Variants in CCDC3 observed in about 807,000 individuals in gnomAD.
CCDC3 encodes the protein coiled-coil domain containing 3.
A neutral mutation model predicts 21.4 loss-of-function variants in CCDC3; 24 were observed. The observed-to-expected ratio is 1.12, with a 90% CI of 0.81 to 1.58. CCDC3 has a LOEUF of 1.58. Ranked by LOEUF, CCDC3 falls within the 40% of genes most tolerant of loss-of-function variation. CCDC3 has a pLI of 0.00. For synonymous variants in CCDC3, 186 were observed against 166.0 expected (o/e 1.12, Z -0.93); for missense variants, 425 against 360.9 (o/e 1.18, Z -1.44).
chr10:12,912,875 C>T (rs1490949430), intron 2 of CCDC3, among the ~76,000 whole-genome samples: 1 of 152,200 alleles, frequency 6.6e-6, no homozygotes, highest in African/African-American at 2.4e-5. Context: ...TGTCCTCTCC[C>T]CGTTGCATGT....
chr10:13,037,273 T>C (rs924508021), intron 5 of CCDC3, among the ~76,000 whole-genome samples: 2 of 152,208 alleles, frequency 1.3e-5, no homozygotes, highest in Non-Finnish European at 2.9e-5. Flanking sequence ...CAAAATGTTT[T>C]AAAACAAATC....
intron 2 of CCDC3, among the ~76,000 whole-genome samples, chr10:12,923,729 G>A (rs1037529697): frequency 3.9e-5 from 6 of 152,132 alleles, no homozygotes; most frequent in Non-Finnish European, 7.4e-5. Context: ...GTTTGACTCC[G>A]GTCTGTGTCC....
intron 4 of CCDC3, among the ~76,000 whole-genome samples, chr10:13,052,860 T>C (rs1836625840): frequency 6.6e-6 from 1 of 151,652 alleles, no homozygotes; most frequent in Non-Finnish European, 1.5e-5. Flanking sequence ...AAGAATCACT[T>C]GAACCCAGGA....
intron 3 of CCDC3, among the ~76,000 whole-genome samples, chr10:13,084,733 C>T (rs1302677570): frequency 2.6e-5 from 4 of 152,064 alleles, no homozygotes; most frequent in African/African-American, 9.7e-5. Context: ...TTTTGAGATG[C>T]CCAGAAAGTT....
Position 12,998,478 on chromosome 10 carries a change from C to T in CCDC3, c.409G>A (p.Val137Ile). 5 of 1,614,122 alleles carry T rather than the reference C, an allele frequency of 3.1e-6. No individual in the cohort carries two copies. Among genetic ancestry groups the T allele is most frequent in the Non-Finnish European group, 4.2e-6 (5 of 1,180,032 alleles). The change falls in exon 2 of 3, where the codon GTC becomes ATC. Residue 137 changes from valine to isoleucine, a missense_variant. Val to Ile is a conservative substitution (Grantham distance 29, BLOSUM62 3). Coordinates refer to ENST00000378825, the MANE Select transcript of CCDC3 (RefSeq NM_031455.4). ...GGGAAGATGGCATCTTGGAAATTGACTCCGTGAGGCAAGAGGTTATAATTT... is the reference window on the plus strand; with the variant it reads ...GGGAAGATGGCATCTTGGAAATTGATTCCGTGAGGCAAGAGGTTATAATTT... ...DENYNLLPHGVNFQDAIFPDT... is the reference protein window; with the variant it reads ...DENYNLLPHGINFQDAIFPDT...
chr10:12,967,649 G>A (rs1835280859), intron 2 of CCDC3, among the ~76,000 whole-genome samples: 1 of 151,930 alleles, frequency 6.6e-6, no homozygotes, highest in African/African-American at 2.4e-5. Context: ...AAGGGATGAA[G>A]AAAGCTTCAG....
At chr10:12,908,924 C>T (rs1050868387) in intron 2 of CCDC3, among the ~76,000 whole-genome samples, 13 of 152,088 alleles carry the variant, frequency 8.5e-5, no homozygotes, top group Non-Finnish European at 1.5e-5. Context: ...GACCACTGTC[C>T]ATGGTGAGTG....
chr10:13,016,630 C>G (rs1409316169), intron 5 of CCDC3, among the ~76,000 whole-genome samples: 1 of 151,886 alleles, frequency 6.6e-6, no homozygotes, highest in Admixed American at 6.6e-5. Flanking sequence ...TAACTACAGG[C>G]AGTGTGAAGG....
At chr10:13,040,557 G>A (rs780878004) in intron 5 of CCDC3, among the ~76,000 whole-genome samples, 2 of 152,264 alleles carry the variant, frequency 1.3e-5, no homozygotes, top group Non-Finnish European at 2.9e-5. Context: ...GGGCATGGTG[G>A]TGCACGCCTG....
At chr10:12,950,311 A>G (rs1834988144) in intron 2 of CCDC3, among the ~76,000 whole-genome samples, 1 of 152,212 alleles carries the variant, frequency 6.6e-6, no homozygotes, top group South Asian at 2.1e-4. Context: ...TAAGAGTTCA[A>G]GCTAACAGGA....
At chr10:13,027,130 G>T (rs1360511825) in intron 5 of CCDC3, among the ~76,000 whole-genome samples, 1 of 152,142 alleles carries the variant, frequency 6.6e-6, no homozygotes, top group Non-Finnish European at 1.5e-5. Flanking sequence ...AACCTCTGAA[G>T]AATAGGGAGT....
At chr10:13,084,965 CAA>C (rs762739772) in intron 3 of CCDC3, among the ~76,000 whole-genome samples, 2 of 152,172 alleles carry the variant, frequency 1.3e-5, no homozygotes, top group Non-Finnish European at 2.9e-5. Context: ...CAGTCACATA[CAA>C]AAAAGTTTTA....
chr10:13,004,081 T>C (rs1835897392), upstream of CCDC3, among the ~76,000 whole-genome samples: 1 of 152,154 alleles, frequency 6.6e-6, no homozygotes, highest in Non-Finnish European at 1.5e-5. Context: ...AAAACTTCTG[T>C]GAGTGAATTA....
chr10:12,930,783 A>T (rs1423188361), intron 2 of CCDC3, among the ~76,000 whole-genome samples: 1 of 152,136 alleles, frequency 6.6e-6, no homozygotes, highest in Non-Finnish European at 1.5e-5. Context: ...ACAAAGAATC[A>T]CCCACTCCCA....
intron 2 of CCDC3, among the ~76,000 whole-genome samples, chr10:12,899,088 C>G (rs1164658962): frequency 6.6e-6 from 1 of 152,072 alleles, no homozygotes; most frequent in African/African-American, 2.4e-5. Context: ...CACTTACATT[C>G]GCGAAGGCTC....
At chr10:12,997,538 T>G (rs1835781136) in intron 2 of CCDC3, among the ~76,000 whole-genome samples, 1 of 152,188 alleles carries the variant, frequency 6.6e-6, no homozygotes, top group Admixed American at 6.5e-5. Flanking sequence ...CCCTTACATT[T>G]TGCAACCACC....
intron 3 of CCDC3, among the ~76,000 whole-genome samples, chr10:13,097,507 C>T (rs948800495): frequency 1.6e-4 from 24 of 152,102 alleles, no homozygotes; most frequent in African/African-American, 4.8e-4. Context: ...GTGGATCACC[C>T]GAGGTCAGGA....
chr10:12,976,511 T>C (rs954179174), intron 2 of CCDC3, among the ~76,000 whole-genome samples: 6 of 152,156 alleles, frequency 3.9e-5, no homozygotes, highest in Non-Finnish European at 7.3e-5. Flanking sequence ...CAAAGCTGAA[T>C]CATCAAGGTG....
chr10:13,040,556 G>A (rs756757338), intron 5 of CCDC3, among the ~76,000 whole-genome samples: 3 of 152,138 alleles, frequency 2.0e-5, no homozygotes, highest in Non-Finnish European at 4.4e-5. Flanking sequence ...TGGGCATGGT[G>A]GTGCACGCCT....
Sources: allele counts gnomAD v4.1 joint callset (sites outside exome capture counted in the v4.1 genomes callset), GRCh38; gene constraint gnomAD v4.1.1; transcripts MANE v1.5; gene names NCBI Gene and HGNC (gene_info 2026-07-23, HGNC 2026-07-21).